The following IPO8 variants were observed in gnomAD, a reference collection of about 807,000 sequenced individuals.
The protein encoded by IPO8 is importin 8, also known as importin-8.
In IPO8, 65 loss-of-function variants were observed where a neutral mutation model predicts 141.2. That is an observed-to-expected ratio of 0.46 (90% CI 0.38 to 0.57). The LOEUF is 0.57. IPO8 is among the 20% of genes least tolerant of loss of function. The pLI is 0.00. For synonymous variants in IPO8, 411 were observed against 420.3 expected (o/e 0.98, Z 0.27); for missense variants, 980 against 1,246.8 (o/e 0.79, Z 3.22).
At chr12:30,647,725 G>A (rs2136135793) in intron 20 of IPO8, among the ~76,000 whole-genome samples, 1 of 150,830 alleles carries the variant, frequency 6.6e-6, no homozygotes, top group South Asian at 2.1e-4. Context: ...CAAATTGGGA[G>A]AAAATTTTGC....
chr12:30,642,780 G>A (rs1349784022), intron 20 of IPO8, among the ~76,000 whole-genome samples: 1 of 151,950 alleles, frequency 6.6e-6, no homozygotes, highest in Admixed American at 6.6e-5. Context: ...TATAAGATAA[G>A]CCTGGAATAT....
chr12:30,648,549 T>C (rs78063656), intron 20 of IPO8, among the ~76,000 whole-genome samples: 3,350 of 152,254 alleles, frequency 0.022, 104 homozygotes, highest in African/African-American at 0.076. Flanking sequence ...GTATGGAACG[T>C]GAATTAGATC....
At position 30,653,446 on chromosome 12, in the gene IPO8, A is replaced by T. The variant is rs561493919; in HGVS notation, c.1949-354T>A. ...TTATCATTCCTCATTTATGTCGAGG[A>T]TTTAAAATGTACAAATAATTAATAA... is the stretch of plus-strand genomic sequence containing the variant. On this transcript the variant is annotated intron_variant, in intron 17 of 24. Coordinates refer to ENST00000256079, the MANE Select transcript of IPO8 (RefSeq NM_006390.4). 5.3e-5 allele frequency among the ~76,000 whole-genome samples: 8 copies of T among 152,208 alleles called. No individual in the cohort carries two copies. The South Asian group carries it at 1.7e-3, about 31-fold the overall frequency.
rs116593505 is a variant in IPO8, at chr12:30,646,261, T to A, written c.2268+2876A>T. Among the ~76,000 whole-genome samples the A allele has an allele frequency of 4.4e-3, 670 of 152,252 alleles. 5 individuals carry two copies. The highest frequency in any genetic ancestry group is 0.015 in the African/African-American group (621 of 41,548). The stretch of plus-strand genomic sequence containing the variant: ...TTCTAAAAGGACAAAAACTACATGA[T>A]CATCTCAATAGATGCAGAAAAAAGC... On this transcript the variant is annotated intron_variant, in intron 20 of 24. Coordinates refer to ENST00000256079, the MANE Select transcript of IPO8 (RefSeq NM_006390.4).
intron 15 of IPO8, among the ~76,000 whole-genome samples, chr12:30,661,939 G>A (rs899110981): frequency 7.2e-5 from 11 of 152,126 alleles, no homozygotes; most frequent in Non-Finnish European, 1.2e-4. Context: ...TTCAGTTACA[G>A]TCATGCATCG....
In IPO8 at chr12:30,695,428, G is replaced by A. The variant is rs1323954950; in HGVS notation, c.84+136C>T. The A allele has an allele frequency of 1.4e-6, 1 of 689,912 alleles. No individual in the cohort carries two copies. The highest frequency in any genetic ancestry group is 1.8e-5 in the African/African-American group (1 of 55,090). 42.7% of individuals were successfully genotyped at this position (689,912 alleles called of 1,614,324 possible). A position where few individuals can be genotyped will look rare whatever the true frequency, so the allele number is the denominator to read the frequency against. On this transcript the variant is annotated intron_variant, in intron 1 of 24. Transcript: ENST00000256079. This position sits in a 1 kb window ranked among gnomAD's most constrained non-coding sequence, Gnocchi z 4.2. Reference sequence around the variant, plus strand: ...ACTGGACCGGGGGGCAGCGGGGTCGGAGAGCGGGACCAGCCGTGAGGCGTC... The same window carrying A: ...ACTGGACCGGGGGGCAGCGGGGTCGAAGAGCGGGACCAGCCGTGAGGCGTC...
chr12:30,641,033 C>G (rs1481470328), intron 20 of IPO8, among the ~76,000 whole-genome samples: 2 of 152,104 alleles, frequency 1.3e-5, no homozygotes, highest in Non-Finnish European at 2.9e-5. Context: ...TACTATTACA[C>G]ACAAAGCCAT....
chr12:30,659,333 T>A (rs1423595005), intron 16 of IPO8, among the ~76,000 whole-genome samples: 1 of 151,592 alleles, frequency 6.6e-6, no homozygotes, highest in African/African-American at 2.4e-5. Context: ...CCACTAATAA[T>A]ACAAAAATTA....
At chr12:30,656,588 G>C in intron 17 of IPO8, 96 bp downstream of exon 17, 1 of 617,186 alleles carries the variant, frequency 1.6e-6, no homozygotes, top group Non-Finnish European at 2.8e-6. Flanking sequence ...TCTCAAAATT[G>C]TCCATCTTGT....
rs1022238840 is a variant in IPO8, at chr12:30,647,898, T to C, written c.2268+1239A>G. Among the ~76,000 whole-genome samples the C allele has an allele frequency of 3.9e-4, 59 of 152,176 alleles. 1 individual carries two copies. The highest frequency in any genetic ancestry group is 1.4e-3 in the African/African-American group (56 of 41,446). ...GTACATGAAACATGCTCAAGATCAT[T>C]AGCCATCATAAAAATGCAAATAAAA... On this transcript the variant is annotated intron_variant, in intron 20 of 24. Coordinates refer to ENST00000256079, the MANE Select transcript of IPO8 (RefSeq NM_006390.4).
rs2052397023 is a variant in IPO8 at position 30,629,093 on chromosome 12, A to G, written c.*1767T>C. 6.6e-6 allele frequency: 1 copy of G among 152,244 alleles called. No homozygotes were observed. The highest frequency in any genetic ancestry group is 6.5e-5 in the Admixed American group (1 of 15,284). 9.4% of individuals were successfully genotyped at this position (152,244 alleles called of 1,614,324 possible). A position where few individuals can be genotyped will look rare whatever the true frequency, so the allele number is the denominator to read the frequency against. On this transcript the variant is annotated 3_prime_UTR_variant, in exon 25 of 25. Coordinates refer to ENST00000256079, the MANE Select transcript of IPO8 (RefSeq NM_006390.4). ...GGTTAGCACTGCTGGTAACAAAATCATACAACTACCCTGGCTTCAAAAACA... is the reference window on the plus strand; with the variant it reads ...GGTTAGCACTGCTGGTAACAAAATCGTACAACTACCCTGGCTTCAAAAACA...
intron 2 of IPO8, 53 bp downstream of exon 2, chr12:30,690,443 T>C (rs2289302): frequency 0.24 from 231,009 of 980,068 alleles, 28,673 homozygotes; most frequent in East Asian, 0.33. Context: ...AATAAAACTC[T>C]CATTCTACTC....
chr12:30,662,459 C>T lies in IPO8; in HGVS notation c.1623G>A (p.Arg541=). The T allele has an allele frequency of 6.2e-7, 1 of 1,612,216 alleles. No individual in the cohort carries two copies. Among genetic ancestry groups the T allele is most frequent in the Non-Finnish European group, 8.5e-7 (1 of 1,178,836 alleles). Residue 541 remains arginine, a synonymous_variant, in exon 15 of 25, where the codon AGG becomes AGA. Transcript: ENST00000256079. The part of the protein sequence containing the change: ...QAKEYMKPHV[R]PIMQELLHIV... ...TGTGCAACAGTTCCTGCATAATAGGCCTCACATGTGGCTTCATATATTCCT... is the reference window on the plus strand; with the variant it reads ...TGTGCAACAGTTCCTGCATAATAGGTCTCACATGTGGCTTCATATATTCCT...
intron 8 of IPO8, among the ~76,000 whole-genome samples, chr12:30,671,531 G>C (rs910355763): frequency 1.3e-5 from 2 of 151,850 alleles, no homozygotes; most frequent in African/African-American, 4.8e-5. Flanking sequence ...AAAATTAGCC[G>C]GGCGTGGTGG....
intron 1 of IPO8, among the ~76,000 whole-genome samples, chr12:30,694,063 G>A (rs2053315676): frequency 6.6e-6 from 1 of 152,134 alleles, no homozygotes; most frequent in South Asian, 2.1e-4. Context: ...GAAGGGCAGG[G>A]AAGTGTAACC....
chr12:30,634,172 A>G lies in IPO8; in HGVS notation c.2810T>C (p.Leu937Ser). 1 of 1,614,012 alleles carries G rather than the reference A, an allele frequency of 6.2e-7. No individual in the cohort carries two copies. Among genetic ancestry groups the G allele is most frequent in the Non-Finnish European group, 8.5e-7 (1 of 1,179,926 alleles). Reference sequence around the variant, plus strand: ...GAACCCCTCAAGCGCGGTTTCTTCCAATACTTCTTCATCCCAGTCATCATC... The same window carrying G: ...GAACCCCTCAAGCGCGGTTTCTTCCGATACTTCTTCATCCCAGTCATCATC... ...EEDDDWDEEV[L>S]EETALEGFST... Residue 937 changes from leucine (L) to serine (S), a missense_variant, in exon 23 of 25, where the codon TTG becomes TCG. Transcript: ENST00000256079.
intron 20 of IPO8, among the ~76,000 whole-genome samples, chr12:30,647,679 T>C (rs2052668832): frequency 1.5e-5 from 2 of 131,368 alleles, no homozygotes; most frequent in Non-Finnish European, 3.3e-5. Context: ...ATCATCAAAA[T>C]TAAAAACATT....
chr12:30,690,437 A>C, intron 2 of IPO8, 59 bp downstream of exon 2: 1 of 961,414 alleles, frequency 1.0e-6, no homozygotes, highest in Non-Finnish European at 1.6e-6. Flanking sequence ...AATTAAAATA[A>C]AACTCTCATT....
In IPO8 at chr12:30,629,101, AC is replaced by A. The variant is rs2052397160; in HGVS notation, c.*1758del. The A allele has an allele frequency of 6.6e-6, 1 of 152,076 alleles. No homozygotes were observed. Among genetic ancestry groups the A allele is most frequent in the Non-Finnish European group, 1.5e-5 (1 of 68,024 alleles). The allele number at this position is 152,076 out of a possible 1,614,324, so 9.4% of individuals were successfully genotyped here. ...CTGCTGGTAACAAAATCATACAACT[AC>A]CCTGGCTTCAAAAACAAGATAGGGT... On this transcript the variant is annotated 3_prime_UTR_variant, in exon 25 of 25. Transcript: ENST00000256079.
Sources: allele counts gnomAD v4.1 joint callset (sites outside exome capture counted in the v4.1 genomes callset), GRCh38; gene constraint gnomAD v4.1.1; non-coding constraint Gnocchi (gnomAD v3.1); transcripts MANE v1.5; gene names NCBI Gene and HGNC (gene_info 2026-07-23, HGNC 2026-07-21).